The following AP3S1 variants were observed in gnomAD, a reference collection of about 807,000 sequenced individuals.
AP3S1 encodes the protein adaptor related protein complex 3 subunit sigma 1.
In AP3S1, 12 loss-of-function variants were observed where a neutral mutation model predicts 21.3. The ratio of observed to expected loss-of-function variants is 0.56; its 90% CI spans 0.36 to 0.91. The LOEUF is 0.91. Ranked by LOEUF, AP3S1 falls within the 40% of genes least tolerant of loss-of-function variation. The pLI is 0.01. For synonymous variants in AP3S1, 48 were observed against 78.4 expected (o/e 0.61, Z 2.05); for missense variants, 116 against 225.0 (o/e 0.52, Z 3.10).
At chr5:115,911,793 G>A (rs978532673) in intron 5 of AP3S1, among the ~76,000 whole-genome samples, 1 of 151,772 alleles carries the variant, frequency 6.6e-6, no homozygotes, top group Admixed American at 6.6e-5. Flanking sequence ...GGAGCAGGAA[G>A]GAAGGGGGGG....
intron 3 of AP3S1, among the ~76,000 whole-genome samples, chr5:115,872,316 T>TA (rs1748337181): frequency 6.6e-6 from 1 of 151,906 alleles, no homozygotes; most frequent in African/African-American, 2.4e-5. Context: ...GTTAATAAAA[T>TA]AAAAAAGGAG....
intron 1 of AP3S1, among the ~76,000 whole-genome samples, chr5:115,859,899 G>T (rs1002830134): frequency 2.0e-5 from 3 of 152,160 alleles, no homozygotes; most frequent in African/African-American, 7.2e-5. Flanking sequence ...CATGTTTTCA[G>T]TGTGGTCCCT....
intron 1 of AP3S1, among the ~76,000 whole-genome samples, chr5:115,846,885 A>G (rs1762104630): frequency 6.6e-6 from 1 of 152,218 alleles, no homozygotes; most frequent in Non-Finnish European, 1.5e-5. Context: ...GGTTTTATGT[A>G]GCCTGACTCA....
intron 5 of AP3S1, among the ~76,000 whole-genome samples, chr5:115,906,076 C>T (rs534490176): frequency 3.9e-5 from 6 of 152,226 alleles, no homozygotes; most frequent in South Asian, 4.1e-4. Flanking sequence ...AAGAATCGCC[C>T]GATTCCGGGA....
intron 1 of AP3S1, among the ~76,000 whole-genome samples, chr5:115,858,931 T>A (rs1449444857): frequency 8.6e-5 from 13 of 151,284 alleles, no homozygotes; most frequent in Non-Finnish European, 1.6e-4. Flanking sequence ...TTTAAAAAAA[T>A]TTATTTATTT....
chr5:115,852,691 A>G (rs1762523422), intron 1 of AP3S1, among the ~76,000 whole-genome samples: 1 of 152,134 alleles, frequency 6.6e-6, no homozygotes, highest in South Asian at 2.1e-4. Flanking sequence ...TATTCTGAAC[A>G]TTCTATATAA....
At chr5:115,910,287 A>G (rs1005680583) in intron 5 of AP3S1, among the ~76,000 whole-genome samples, 3 of 145,106 alleles carry the variant, frequency 2.1e-5, no homozygotes, top group South Asian at 2.2e-4. Flanking sequence ...AAAAAAAAAA[A>G]GTTATGTGAT....
At position 115,847,546 on chromosome 5, in the gene AP3S1, G is replaced by T. The variant is rs1035368568; in HGVS notation, c.69+5440G>T. ...GAGGTGAGAGGATCACTGAGCTCCG[G>T]AGATCAAGGCTGCAATGAGCTGAGA... On this transcript the variant is annotated intron_variant, in intron 1 of 5. Coordinates refer to ENST00000316788, the MANE Select transcript of AP3S1 (RefSeq NM_001284.4). Among the ~76,000 whole-genome samples the T allele has an allele frequency of 3.3e-5, 5 of 152,196 alleles. No individual in the cohort carries two copies. In the South Asian group the frequency reaches 1.0e-3, roughly 31 times the overall value.
At chr5:115,909,428 T>C (rs1179513995) in intron 5 of AP3S1, among the ~76,000 whole-genome samples, 1 of 152,236 alleles carries the variant, frequency 6.6e-6, no homozygotes, top group Non-Finnish European at 1.5e-5. Context: ...TTTGGTATAC[T>C]TGCAGACTTC....
intron 3 of AP3S1, among the ~76,000 whole-genome samples, chr5:115,882,598 G>T (rs62371475): frequency 0.16 from 24,821 of 152,130 alleles, 2,224 homozygotes; most frequent in Middle Eastern, 0.2. Flanking sequence ...GCACCCGCCA[G>T]ATGCCAGCCA....
intron 1 of AP3S1, among the ~76,000 whole-genome samples, chr5:115,852,751 A>G (rs1325670113): frequency 6.6e-6 from 1 of 152,148 alleles, no homozygotes; most frequent in Admixed American, 6.5e-5. Context: ...TTTACTTTAC[A>G]TGATGCTTTC....
chr5:115,881,350 C>T (rs1303102265), intron 3 of AP3S1, among the ~76,000 whole-genome samples: 1 of 152,120 alleles, frequency 6.6e-6, no homozygotes, highest in Non-Finnish European at 1.5e-5. Context: ...TTTTTCCTTT[C>T]CATATTTAGT....
intron 5 of AP3S1, 125 bp downstream of exon 5, chr5:115,903,117 T>G: frequency 1.4e-6 from 1 of 697,596 alleles, no homozygotes; most frequent in Admixed American, 3.0e-5. Context: ...GCTTATTCAG[T>G]TTTTAAAAAA....
At chr5:115,899,758 G>C (rs1481418541) in intron 4 of AP3S1, among the ~76,000 whole-genome samples, 1 of 152,042 alleles carries the variant, frequency 6.6e-6, no homozygotes, top group Non-Finnish European at 1.5e-5. Flanking sequence ...AAGACTGAAA[G>C]ATAGAAAACA....
intron 1 of AP3S1, among the ~76,000 whole-genome samples, chr5:115,860,697 C>T (rs1358283520): frequency 6.6e-6 from 1 of 152,292 alleles, no homozygotes; most frequent in Admixed American, 6.5e-5. Context: ...CTTATTTAAA[C>T]ACTTTCAAGA....
intron 2 of AP3S1, 111 bp from the exon 3 acceptor site, chr5:115,869,906 T>C (rs745831816): frequency 5.9e-5 from 36 of 608,962 alleles, no homozygotes; most frequent in Non-Finnish European, 9.3e-5. Flanking sequence ...TGCCATTGAA[T>C]GTCACCTTTC....
At chr5:115,911,718 G>T (rs533838353) in intron 5 of AP3S1, among the ~76,000 whole-genome samples, 1 of 151,704 alleles carries the variant, frequency 6.6e-6, no homozygotes. Context: ...TCAAATTAAA[G>T]ACCCTTTCAA....
At chr5:115,885,707 C>T (rs1344347764) in intron 3 of AP3S1, among the ~76,000 whole-genome samples, 7 of 152,132 alleles carry the variant, frequency 4.6e-5, no homozygotes, top group African/African-American at 1.4e-4. Context: ...GCTATCTAGG[C>T]GTCCTTCACT....
At chr5:115,862,190 A>AT (rs1206684383) in intron 1 of AP3S1, among the ~76,000 whole-genome samples, 2 of 151,954 alleles carry the variant, frequency 1.3e-5, no homozygotes, top group East Asian at 1.9e-4. Flanking sequence ...AGGTTAAGAG[A>AT]TTTTTTTTAT....
Sources: gnomAD v4.1 joint callset for allele counts (sites outside exome capture counted in the v4.1 genomes callset) on GRCh38, gnomAD v4.1.1 for gene constraint, MANE v1.5 for transcripts, NCBI Gene and HGNC (gene_info 2026-07-23, HGNC 2026-07-21) for gene names.